SORCS2: variants seen among roughly 807,000 people sequenced by gnomAD.
SORCS2 encodes the protein sortilin related VPS10 domain containing receptor 2.
Under a neutral mutation model 141.6 loss-of-function variants are expected in SORCS2, and 100 were observed. The ratio of observed to expected loss-of-function variants is 0.71; its 90% CI spans 0.60 to 0.83. The LOEUF is 0.83. Ranked by LOEUF, SORCS2 falls within the 40% of genes least tolerant of loss-of-function variation. The pLI, the probability that SORCS2 is intolerant of heterozygous loss-of-function variation, is 0.00. For synonymous variants in SORCS2, 789 were observed against 676.9 expected (o/e 1.17, Z -2.57); for missense variants, 1,646 against 1,560.2 (o/e 1.05, Z -0.93).
chr4:7,582,375 A>G (rs779749508), intron 3 of SORCS2, among the ~76,000 whole-genome samples: 23 of 152,204 alleles, frequency 1.5e-4, no homozygotes, highest in Non-Finnish European at 2.9e-4. Context: ...TGATTATGTC[A>G]CACTTCACTT....
At chr4:7,724,431 GATAATGGTGACA>G (rs1338107745) in intron 19 of SORCS2, among the ~76,000 whole-genome samples, 28 of 144,422 alleles carry the variant, frequency 1.9e-4, no homozygotes, top group Non-Finnish European at 3.6e-4. Flanking sequence ...TGGTGGTGGT[GATAATGGTGACA>G]ATGGTGGTGG....
rs139914699 is a variant in SORCS2, at chr4:7,467,463, C to G, written c.549-64067C>G. 5.1e-3 allele frequency among the ~76,000 whole-genome samples: 777 copies of G among 152,314 alleles called. 8 individuals carry two copies. Among genetic ancestry groups the G allele is most frequent in the African/African-American group, 0.017 (727 of 41,552 alleles). ...ACCTTGTCCTCACAGCTCTCATCAT[C>G]ACTCTGGCCTCCGAGTCAAGTGACA... On this transcript the variant is annotated intron_variant, in intron 2 of 26. Transcript: ENST00000507866.
chr4:7,428,603 G>C (rs547002015), intron 2 of SORCS2, among the ~76,000 whole-genome samples: 5 of 152,312 alleles, frequency 3.3e-5, no homozygotes, highest in African/African-American at 1.2e-4. Context: ...CTGCAGGGAA[G>C]GCCTGAACCG....
chr4:7,629,925 C>A (rs1719772339), intron 3 of SORCS2, among the ~76,000 whole-genome samples: 1 of 152,108 alleles, frequency 6.6e-6, no homozygotes, highest in Non-Finnish European at 1.5e-5. Context: ...TTGTATTTCC[C>A]CGTTTTATTT....
intron 1 of SORCS2, among the ~76,000 whole-genome samples, chr4:7,235,533 G>A (rs1449701081): frequency 1.3e-5 from 2 of 152,244 alleles, no homozygotes; most frequent in Non-Finnish European, 2.9e-5. Context: ...AACACAGAGC[G>A]GGTGGATGGG....
intron 1 of SORCS2, among the ~76,000 whole-genome samples, chr4:7,261,441 T>G (rs1714314760): frequency 6.6e-6 from 1 of 152,190 alleles, no homozygotes; most frequent in Admixed American, 6.5e-5. Flanking sequence ...AGGCATGAGA[T>G]TATATTTACT....
intron 1 of SORCS2, among the ~76,000 whole-genome samples, chr4:7,222,897 C>T (rs1728794800): frequency 1.3e-5 from 2 of 152,114 alleles, no homozygotes; most frequent in South Asian, 4.1e-4. Flanking sequence ...TCCTCTTCTC[C>T]CTCCACTCCA....
intron 1 of SORCS2, among the ~76,000 whole-genome samples, chr4:7,301,864 G>A (rs1178095945): frequency 6.6e-6 from 1 of 152,252 alleles, no homozygotes; most frequent in Non-Finnish European, 1.5e-5. Context: ...TTCTCCTGCA[G>A]GGCTCTTTCT....
chr4:7,737,103 CACA>C lies in SORCS2; in HGVS notation c.3349_3351del (p.Asn1117del), dbSNP rs1560124242. On this transcript the variant is annotated inframe_deletion, in exon 26 of 27. Coordinates refer to ENST00000507866, the MANE Select transcript of SORCS2 (RefSeq NM_020777.3). Reference sequence around the variant, plus strand: ...AGGCAGGACCGTGTACGCCCAAATGCACAACGAGAAGGAGCAGGAGATGACCAG... The same window carrying C: ...AGGCAGGACCGTGTACGCCCAAATGCACGAGAAGGAGCAGGAGATGACCAG... 2.6e-6 allele frequency: 4 copies of C among 1,551,446 alleles called. No individual in the cohort carries two copies. Among genetic ancestry groups the C allele is most frequent in the Admixed American group, 2.0e-5 (1 of 51,002 alleles).
In SORCS2 at chr4:7,713,954, A is replaced by T. The variant is rs529059063; in HGVS notation, c.1990-286A>T. On this transcript the variant is annotated intron_variant, in intron 15 of 26. Coordinates refer to ENST00000507866, the MANE Select transcript of SORCS2 (RefSeq NM_020777.3). ...CAGCTCCCACACAGCAGCTGAGGGG[A>T]CGAGGGGAACCTCAAAAGGGCTGCA... is the stretch of plus-strand genomic sequence containing the variant. 1.9e-3 allele frequency among the ~76,000 whole-genome samples: 286 copies of T among 152,308 alleles called. 2 individuals are homozygous for T. Among genetic ancestry groups the T allele is most frequent in the Admixed American group, 0.017 (256 of 15,300 alleles).
In SORCS2 at chr4:7,573,243, C is replaced by T. The variant is rs62277484; in HGVS notation, c.648+41614C>T. Reference sequence around the variant, plus strand: ...CTTCAACAAGCACACAAGATCCCTGCGGCATGATATCCAACTCATTTCAAA... The same window carrying T: ...CTTCAACAAGCACACAAGATCCCTGTGGCATGATATCCAACTCATTTCAAA... On this transcript the variant is annotated intron_variant, in intron 3 of 26. Transcript: ENST00000507866. Among the ~76,000 whole-genome samples, 754 of 152,280 alleles carry T rather than the reference C, an allele frequency of 5.0e-3. 2 individuals are homozygous for T. The highest frequency in any genetic ancestry group is 0.01 in the Middle Eastern group (3 of 294).
chr4:7,361,787 C>T (rs1236223119), intron 1 of SORCS2, among the ~76,000 whole-genome samples: 4 of 151,670 alleles, frequency 2.6e-5, no homozygotes, highest in South Asian at 4.2e-4. Context: ...ACACAACGAA[C>T]GCAGGTGGAA....
At chr4:7,491,861 C>T (rs1731334498) in intron 2 of SORCS2, among the ~76,000 whole-genome samples, 1 of 152,222 alleles carries the variant, frequency 6.6e-6, no homozygotes, top group African/African-American at 2.4e-5. Flanking sequence ...GCCACAGTGG[C>T]TGTCCAGGGC....
chr4:7,670,839 C>G (rs1722757904), intron 8 of SORCS2, among the ~76,000 whole-genome samples: 1 of 152,138 alleles, frequency 6.6e-6, no homozygotes, highest in African/African-American at 2.4e-5. Flanking sequence ...CCATAAGGAC[C>G]TTGTCTTCCA....
Position 7,433,724 on chromosome 4 carries a change from C to G in SORCS2, c.548+37369C>G. ...CTGCCCTGGTTCTCCGCGTCCCACT[C>G]TGGGGACGGCACGATGGCATAGGCA... On this transcript the variant is annotated intron_variant, in intron 2 of 26. Coordinates refer to ENST00000507866, the MANE Select transcript of SORCS2 (RefSeq NM_020777.3). 2 of 1,613,256 alleles carry G rather than the reference C, an allele frequency of 1.2e-6. No individual in the cohort carries two copies. The highest frequency in any genetic ancestry group is 2.7e-5 in the African/African-American group (2 of 75,052).
chr4:7,637,351 G>A (rs924231318), intron 3 of SORCS2, among the ~76,000 whole-genome samples: 5 of 152,128 alleles, frequency 3.3e-5, no homozygotes, highest in Admixed American at 6.5e-5. Context: ...CCGGCTCAGC[G>A]TTCTCCTCTG....
At chr4:7,212,195 C>T (rs919377376) in intron 1 of SORCS2, among the ~76,000 whole-genome samples, 1 of 152,214 alleles carries the variant, frequency 6.6e-6, no homozygotes, top group Non-Finnish European at 1.5e-5. Context: ...GTTCTCCTCT[C>T]TTCCCAGACC....
chr4:7,438,727 A>G (rs1430231077), intron 2 of SORCS2, among the ~76,000 whole-genome samples: 1 of 151,482 alleles, frequency 6.6e-6, no homozygotes, highest in Non-Finnish European at 1.5e-5. Flanking sequence ...GTTTTTTTAA[A>G]AAAAGTTTAT....
chr4:7,621,919 G>C (rs995891591), intron 3 of SORCS2, among the ~76,000 whole-genome samples: 1 of 152,220 alleles, frequency 6.6e-6, no homozygotes, highest in African/African-American at 2.4e-5. Flanking sequence ...TGATGGTTGA[G>C]ATGATCACTG....
Sources: allele counts gnomAD v4.1 joint callset (sites outside exome capture counted in the v4.1 genomes callset), GRCh38; gene constraint gnomAD v4.1.1; transcripts MANE v1.5; gene names NCBI Gene and HGNC (gene_info 2026-07-23, HGNC 2026-07-21).